The following MUS81 variants were observed in gnomAD, a reference collection of about 807,000 sequenced individuals.
The protein encoded by MUS81 is MUS81 structure-specific endonuclease subunit.
MUS81 carries 69 observed loss-of-function variants against 74.2 expected under a neutral mutation model. The ratio of observed to expected loss-of-function variants is 0.93; its 90% CI spans 0.77 to 1.14. MUS81 has a LOEUF of 1.14. MUS81 is among the 50% of genes most tolerant of loss of function. MUS81 has a pLI of 0.00. For synonymous variants in MUS81, 303 were observed against 300.6 expected, an observed-to-expected ratio of 1.01 and a Z score of -0.08; for missense variants, 711 against 726.5, an observed-to-expected ratio of 0.98 and a Z score of 0.25.
chr11:65,864,889 C>T, intron 12 of MUS81, 74 bp downstream of exon 12: 1 of 1,579,502 alleles, frequency 6.3e-7, no homozygotes, highest in South Asian at 1.1e-5. Flanking sequence ...CCTGTGCATC[C>T]CCAAAAGAAG....
At position 65,863,078 on chromosome 11, in the gene MUS81, CCA is replaced by C; in HGVS notation, c.620_621del (p.Pro207ArgfsTer45). The part of the protein sequence containing the change: ...THQPARYSLT[P>X]EGLELAQKLA... ...TCTGCCTCCCAGGTACTCATTGACCCCAGAGGGCCTGGAGCTGGCCCAGAAGT... is the reference window on the plus strand; with the variant it reads ...TCTGCCTCCCAGGTACTCATTGACCCGAGGGCCTGGAGCTGGCCCAGAAGT... On this transcript the variant is annotated frameshift_variant, in exon 7 of 16. Coordinates refer to ENST00000308110, the MANE Select transcript of MUS81 (RefSeq NM_025128.5). LOFTEE classifies it high-confidence loss of function. The C allele has an allele frequency of 6.2e-7, 1 of 1,614,104 alleles. No individual in the cohort carries two copies. The highest frequency in any genetic ancestry group is 8.5e-7 in the Non-Finnish European group (1 of 1,180,018).
rs558114 is a variant in MUS81 at position 65,864,791 on chromosome 11, G to A, written c.1248G>A (p.Thr416=). The A allele has an allele frequency of 3.7e-6, 6 of 1,613,220 alleles. No individual in the cohort carries two copies. The highest frequency in any genetic ancestry group is 1.7e-5 in the Admixed American group (1 of 59,972). The change falls in exon 12 of 16, where the codon ACG becomes ACA. Residue 416 remains threonine, a synonymous_variant. Coordinates refer to ENST00000308110, the MANE Select transcript of MUS81 (RefSeq NM_025128.5). ...KESAAYLALL[T]RGLQRLYQGH... Reference sequence around the variant, plus strand: ...CAGCCGCCTACCTGGCCCTCTTGACGCGGGGCCTGCAGAGACTCTACCAGG... The same window carrying A: ...CAGCCGCCTACCTGGCCCTCTTGACACGGGGCCTGCAGAGACTCTACCAGG...
downstream of MUS81, chr11:65,867,183 A>G: frequency 1.4e-6 from 2 of 1,436,412 alleles, no homozygotes; most frequent in Non-Finnish European, 1.9e-6. Flanking sequence ...GCAGAGGAAC[A>G]GCCCTGGCCA....
rs545931095 is a variant in MUS81 at position 65,865,575 on chromosome 11, G to A, written c.1506-236G>A. 9 of 626,816 alleles carry A rather than the reference G, an allele frequency of 1.4e-5. No individual in the cohort carries two copies. The South Asian group carries it at 1.6e-4, about 11-fold the overall frequency. 38.8% of individuals were successfully genotyped at this position (626,816 alleles called of 1,614,324 possible). ...GGAGAAGAGGCTTCCTGGAGAAGGG[G>A]TTGGGCCATTAAGGGGAGTGAGGGT... On this transcript the variant is annotated intron_variant, in intron 14 of 15. Coordinates refer to ENST00000308110, the MANE Select transcript of MUS81 (RefSeq NM_025128.5).
chr11:65,864,787 T>A lies in MUS81; in HGVS notation c.1244T>A (p.Leu415Ter), dbSNP rs749856963. The change falls in exon 12 of 16, where the codon TTG becomes TAG. Residue 415 changes from leucine to a stop codon, truncating the protein, a stop_gained. Transcript: ENST00000308110. LOFTEE classifies it high-confidence loss of function. ...GAGTCAGCCGCCTACCTGGCCCTCT[T>A]GACGCGGGGCCTGCAGAGACTCTAC... ...IKESAAYLAL[L>*]TRGLQRLYQG... The A allele has an allele frequency of 1.7e-5, 28 of 1,613,710 alleles. No homozygotes were observed. The highest frequency in any genetic ancestry group is 2.4e-5 in the Non-Finnish European group (28 of 1,179,996).
intron 5 of MUS81, 30 bp from the exon 6 acceptor site, chr11:65,862,414 C>T (rs1859641957): frequency 2.5e-6 from 4 of 1,602,494 alleles, no homozygotes; most frequent in African/African-American, 1.3e-5. Flanking sequence ...GTACCAGGTG[C>T]TCTCTGAGGG....
chr11:65,860,652 TC>T lies in MUS81; in HGVS notation c.-97del, dbSNP rs1238961492. ...ACGGTCCTGCCCTCGGTCTCCCTCT[TC>T]CCCCGCCCCGCCCTGGGCCAGGTGT... On this transcript the variant is annotated 5_prime_UTR_variant, in exon 1 of 16. Transcript: ENST00000308110. 2.0e-6 allele frequency: 3 copies of T among 1,497,220 alleles called. No individual in the cohort carries two copies. Among genetic ancestry groups the T allele is most frequent in the Non-Finnish European group, 2.7e-6 (3 of 1,115,204 alleles). The allele number at this position is 1,497,220 out of a possible 1,614,324, so 92.7% of individuals were successfully genotyped here.
downstream of MUS81, chr11:65,867,333 A>T: frequency 1.8e-6 from 1 of 564,072 alleles, no homozygotes; most frequent in Non-Finnish European, 3.2e-6. Context: ...AGGCTAACTG[A>T]CGATTCAAGG....
Sources: gnomAD v4.1 joint callset for allele counts on GRCh38, gnomAD v4.1.1 for gene constraint, MANE v1.5 for transcripts, NCBI Gene and HGNC (gene_info 2026-07-23, HGNC 2026-07-21) for gene names.